EPB41L5: variants seen among roughly 807,000 people sequenced by gnomAD.
EPB41L5 encodes band 4.1-like protein 5.
In EPB41L5, 55 loss-of-function variants were observed where a neutral mutation model predicts 106.6. The observed-to-expected ratio is 0.52, with a 90% CI of 0.42 to 0.65. The LOEUF is 0.65. Ranked by LOEUF, EPB41L5 falls within the 30% of genes least tolerant of loss-of-function variation. The pLI is 0.00. For synonymous variants in EPB41L5, 297 were observed against 306.7 expected (o/e 0.97, Z 0.33); for missense variants, 871 against 882.1 (o/e 0.99, Z 0.16).
In EPB41L5 at chr2:120,130,003, G is replaced by A. The variant is rs371962859; in HGVS notation, c.1502-1615G>A. On this transcript the variant is annotated intron_variant, in intron 17 of 24. Transcript: ENST00000263713. The stretch of plus-strand genomic sequence containing the variant: ...TCTACTAAAAGTACAAAAATTAGCC[G>A]GCCATGGTGGCAGGCACCTGTAATC... Among the ~76,000 whole-genome samples the A allele has an allele frequency of 2.7e-4, 41 of 152,142 alleles. No individual in the cohort carries two copies. In the East Asian group the frequency reaches 6.0e-3, roughly 22 times the overall value.
chr2:120,167,579 C>T (rs1305578508), intron 23 of EPB41L5, 72 bp downstream of exon 23: 15 of 1,469,336 alleles, frequency 1.0e-5, no homozygotes, highest in Non-Finnish European at 1.4e-5. Flanking sequence ...TTACTAGGTT[C>T]TTTGTTTTTC....
At chr2:120,114,483 C>T (rs1279557396) in intron 16 of EPB41L5, among the ~76,000 whole-genome samples, 1 of 152,142 alleles carries the variant, frequency 6.6e-6, no homozygotes, top group African/African-American at 2.4e-5. Context: ...TTAATGTAGG[C>T]TCGGGTAAGC....
chr2:120,153,302 A>G (rs899508563), intron 20 of EPB41L5, among the ~76,000 whole-genome samples: 4 of 151,966 alleles, frequency 2.6e-5, no homozygotes. Context: ...CCAGTTTTCC[A>G]ATTAAGTTAT....
chr2:120,041,169 AAAC>A (rs2105207138), intron 2 of EPB41L5, among the ~76,000 whole-genome samples: 1 of 152,318 alleles, frequency 6.6e-6, no homozygotes, highest in Non-Finnish European at 1.5e-5. Context: ...CTATTTTCTA[AAAC>A]AACAAAGAGC....
At chr2:120,149,162 T>C (rs1686553339) in intron 20 of EPB41L5, among the ~76,000 whole-genome samples, 1 of 152,094 alleles carries the variant, frequency 6.6e-6, no homozygotes, top group South Asian at 2.1e-4. Context: ...GAAATGTCTA[T>C]TCAGATCATT....
intron 22 of EPB41L5, among the ~76,000 whole-genome samples, chr2:120,166,075 A>G (rs541634994): frequency 6.6e-6 from 1 of 152,188 alleles, no homozygotes; most frequent in South Asian, 2.1e-4. Context: ...AAGGCTTGGA[A>G]ATACACATGA....
intron 10 of EPB41L5, among the ~76,000 whole-genome samples, chr2:120,083,265 C>T (rs1364536767): frequency 6.6e-6 from 1 of 152,224 alleles, no homozygotes; most frequent in African/African-American, 2.4e-5. Flanking sequence ...TCCCCCTACA[C>T]ACTGCTTTAA....
intron 22 of EPB41L5, 150 bp downstream of exon 22, chr2:120,165,060 C>G (rs915397980): frequency 4.9e-5 from 29 of 595,388 alleles, no homozygotes; most frequent in Non-Finnish European, 6.7e-5. Flanking sequence ...CATTGCCTCT[C>G]TGTCCTAAAA....
intron 24 of EPB41L5, among the ~76,000 whole-genome samples, chr2:120,172,345 A>G (rs1352118546): frequency 2.6e-5 from 4 of 152,246 alleles, no homozygotes; most frequent in Non-Finnish European, 4.4e-5. Context: ...AAGGAGCATC[A>G]TGAATCTTTA....
At chr2:120,046,106 G>C (rs541526232) in intron 3 of EPB41L5, among the ~76,000 whole-genome samples, 9 of 152,088 alleles carry the variant, frequency 5.9e-5, no homozygotes, top group African/African-American at 2.2e-4. Flanking sequence ...GAATAGTGCC[G>C]CAGTAAACAT....
rs1685521086 is a variant in EPB41L5 at position 120,127,751 on chromosome 2, A to C, written c.1401A>C (p.Val467=). The C allele has an allele frequency of 6.2e-7, 1 of 1,613,672 alleles. No individual in the cohort carries two copies. The highest frequency in any genetic ancestry group is 1.3e-5 in the African/African-American group (1 of 74,916). The change falls in exon 17 of 25, where the codon GTA becomes GTC. Residue 467 remains valine (V), a synonymous_variant. Coordinates refer to ENST00000263713, the MANE Select transcript of EPB41L5 (RefSeq NM_020909.4). ...PDLLEATIGD[V]IGASDTMETS... is the part of the protein sequence containing the mutation. The stretch of plus-strand genomic sequence containing the variant: ...TATTGGAAGCAACGATTGGTGATGT[A>C]ATTGGGGCATCTGACACTATGGAAA...
chr2:120,042,586 G>A (rs545383795), intron 3 of EPB41L5, among the ~76,000 whole-genome samples: 4 of 152,278 alleles, frequency 2.6e-5, no homozygotes, highest in Non-Finnish European at 5.9e-5. Context: ...TTTCTGACAA[G>A]AGAACAGCAT....
At chr2:120,114,719 G>T (rs1447845435) in intron 16 of EPB41L5, among the ~76,000 whole-genome samples, 1 of 152,122 alleles carries the variant, frequency 6.6e-6, no homozygotes, top group Admixed American at 6.5e-5. Context: ...GTGCAGTATG[G>T]TTGGTTTTGG....
At chr2:120,034,092 T>G (rs1678892790) in intron 2 of EPB41L5, among the ~76,000 whole-genome samples, 1 of 152,212 alleles carries the variant, frequency 6.6e-6, no homozygotes, top group African/African-American at 2.4e-5. Context: ...TTGTCCTGTC[T>G]GAAAAAATAA....
chr2:120,052,023 C>T (rs1680323665), intron 3 of EPB41L5, among the ~76,000 whole-genome samples: 1 of 152,164 alleles, frequency 6.6e-6, no homozygotes. Flanking sequence ...GACAGGGTTT[C>T]ACCACATTGG....
intron 2 of EPB41L5, among the ~76,000 whole-genome samples, chr2:120,026,356 TTTTTG>T (rs1248397757): frequency 7.2e-6 from 1 of 138,826 alleles, no homozygotes; most frequent in Non-Finnish European, 1.6e-5. Context: ...ACTTTCTGTT[TTTTTG>T]TTTGTTTGTT....
intron 2 of EPB41L5, among the ~76,000 whole-genome samples, chr2:120,039,693 C>T (rs528798842): frequency 1.3e-4 from 20 of 151,988 alleles, no homozygotes; most frequent in African/African-American, 3.1e-4. Context: ...GGTGTGGTGG[C>T]GCATGCCTGT....
At chr2:120,068,509 G>A (rs1417477053) in intron 3 of EPB41L5, among the ~76,000 whole-genome samples, 1 of 152,200 alleles carries the variant, frequency 6.6e-6, no homozygotes, top group Non-Finnish European at 1.5e-5. Context: ...GGGACGCTCA[G>A]GCTTGGTGAG....
At chr2:120,089,695 A>G (rs1010300053) in intron 11 of EPB41L5, among the ~76,000 whole-genome samples, 3 of 152,066 alleles carry the variant, frequency 2.0e-5, no homozygotes, top group African/African-American at 4.8e-5. Flanking sequence ...ATACATCTTC[A>G]TATATAACTT....
Sources: gnomAD v4.1 joint callset for allele counts (sites outside exome capture counted in the v4.1 genomes callset) on GRCh38, gnomAD v4.1.1 for gene constraint, MANE v1.5 for transcripts, NCBI Gene and HGNC (gene_info 2026-07-23, HGNC 2026-07-21) for gene names.